MYO1A: variants seen among roughly 807,000 people sequenced by gnomAD.
The protein encoded by MYO1A is myosin IA, also known as unconventional myosin-Ia.
MYO1A carries 127 observed loss-of-function variants against 138.5 expected under a neutral mutation model. The ratio of observed to expected loss-of-function variants is 0.92; its 90% CI spans 0.79 to 1.06. The LOEUF (loss-of-function observed/expected upper bound fraction) is 1.06. Among genes scored for constraint, MYO1A ranks in the 50% least tolerant of loss-of-function variants. The pLI, the probability that MYO1A is intolerant of heterozygous loss-of-function variation, is 0.00. For missense variants in MYO1A, 1,211 were observed against 1,288.8 expected (o/e 0.94, Z 0.92); for synonymous variants, 477 against 497.5 (o/e 0.96, Z 0.55).
At chr12:57,046,465 A>T in intron 8 of MYO1A, 87 bp downstream of exon 8, 1 of 1,019,954 alleles carries the variant, frequency 9.8e-7, no homozygotes, top group Non-Finnish European at 1.6e-6. Context: ...AGGGGCCCAG[A>T]GGGAACAGGG....
Position 57,046,920 on chromosome 12 carries a change from A to AT in MYO1A, c.483dup (p.Tyr162IlefsTer5). On this transcript the variant is annotated frameshift_variant, in exon 7 of 28. Transcript: ENST00000300119. LOFTEE classifies it high-confidence loss of function. Reference sequence around the variant, plus strand: ...TTGAAGTCAAATTCAATATCCATGTATTTTCCCTTCAGAGAGAGACCAGAG... The same window carrying AT: ...TTGAAGTCAAATTCAATATCCATGTATTTTTCCCTTCAGAGAGAGACCAGAG... The AT allele has an allele frequency of 3.1e-6, 5 of 1,614,002 alleles. No individual in the cohort carries two copies. The highest frequency in any genetic ancestry group is 4.2e-6 in the Non-Finnish European group (5 of 1,179,968).
chr12:57,047,796 G>A (rs747992505), intron 3 of MYO1A, 75 bp from the exon 4 acceptor site: 170 of 1,589,128 alleles, frequency 1.1e-4, no homozygotes, highest in Non-Finnish European at 1.4e-4. Flanking sequence ...TCTCCAGCAC[G>A]CAGGTTCATC....
intron 21 of MYO1A, 44 bp downstream of exon 21, chr12:57,036,728 C>T: frequency 6.2e-7 from 1 of 1,607,580 alleles, no homozygotes; most frequent in South Asian, 1.1e-5. Context: ...TGACACAATC[C>T]AGGAGAAACA....
chr12:57,036,835 C>A lies in MYO1A; in HGVS notation c.2211G>T (p.Lys737Asn), dbSNP rs773613552. Residue 737 changes from lysine (K) to asparagine (N), a missense_variant, in exon 21 of 28, where the codon AAG becomes AAT. Coordinates refer to ENST00000300119, the MANE Select transcript of MYO1A (RefSeq NM_005379.4). ...ISSWFRGNMQ[K>N]KCYGKIKASV... ...ATGCCTTTATCTTCCCATAGCATTT[C>A]TTTTGCTGTAGAAAACATAGGAGTT... The A allele has an allele frequency of 1.2e-6, 2 of 1,614,232 alleles. No homozygotes were observed. The highest frequency in any genetic ancestry group is 1.3e-5 in the African/African-American group (1 of 75,066).
At position 57,047,383 on chromosome 12, in the gene MYO1A, T is replaced by A; in HGVS notation, c.350A>T (p.Tyr117Phe). The change falls in exon 5 of 28, where the codon TAT becomes TTT. Residue 117 changes from tyrosine (Y) to phenylalanine (F), a missense_variant. Physicochemically the swap from Tyr to Phe is conservative, Grantham distance 22 (BLOSUM62 3). Coordinates refer to ENST00000300119, the MANE Select transcript of MYO1A (RefSeq NM_005379.4). The part of the protein sequence containing the change: ...KTEASKLVMS[Y>F]VAAVCGKGEQ... ...TCCTTTCCCACAGACGGCAGCCACA[T>A]AAGACATCACCAGCTTGCTGGCCTC... 1.2e-6 allele frequency: 2 copies of A among 1,614,090 alleles called. No homozygotes were observed. The highest frequency in any genetic ancestry group is 2.2e-5 in the South Asian group (2 of 91,066).
upstream of MYO1A, among the ~76,000 whole-genome samples, chr12:57,050,289 A>G (rs2031292914): frequency 6.6e-6 from 1 of 152,214 alleles, no homozygotes; most frequent in Admixed American, 6.5e-5. Context: ...TAACTAAAGG[A>G]GGGTTCTTGC....
Position 57,029,535 on chromosome 12 carries a change from G to A in MYO1A, c.2777C>T (p.Thr926Ile). 1 of 1,614,190 alleles carries A rather than the reference G, an allele frequency of 6.2e-7. No homozygotes were observed. Among genetic ancestry groups the A allele is most frequent in the Non-Finnish European group, 8.5e-7 (1 of 1,180,018 alleles). ...LTKGHVILTD[T>I]KKSQAKIVIG... is the part of the protein sequence containing the mutation. Reference sequence around the variant, plus strand: ...GACAATTTTGGCCTGGGACTTCTTGGTGTCTGTGAGAATCACATGGCCCTT... The same window carrying A: ...GACAATTTTGGCCTGGGACTTCTTGATGTCTGTGAGAATCACATGGCCCTT... Residue 926 changes from threonine (T) to isoleucine (I), a missense_variant, in exon 26 of 28, where the codon ACC (threonine) becomes ATC (isoleucine). By Grantham distance (89) the Thr-to-Ile change is moderately conservative. Coordinates refer to ENST00000300119, the MANE Select transcript of MYO1A (RefSeq NM_005379.4).
chr12:57,040,820 G>A (rs994588368), intron 14 of MYO1A, among the ~76,000 whole-genome samples: 1 of 152,188 alleles, frequency 6.6e-6, no homozygotes, highest in Admixed American at 6.5e-5. Context: ...AGGGCCCGGG[G>A]GAGACCAAGG....
At chr12:57,046,478 T>A in intron 8 of MYO1A, 74 bp downstream of exon 8, 1 of 1,156,784 alleles carries the variant, frequency 8.6e-7, no homozygotes, top group African/African-American at 1.5e-5. Flanking sequence ...GAACAGGGGT[T>A]CTGGGACTGA....
intron 23 of MYO1A, 49 bp downstream of exon 23, chr12:57,030,991 A>C (rs753738647): frequency 3.1e-6 from 5 of 1,603,182 alleles, no homozygotes; most frequent in Non-Finnish European, 4.3e-6. Flanking sequence ...AATCAGGGGG[A>C]GGGAAAAAAA....
chr12:57,047,807 C>T, intron 3 of MYO1A, 86 bp from the exon 4 acceptor site: 1 of 1,579,898 alleles, frequency 6.3e-7, no homozygotes, highest in East Asian at 2.3e-5. Context: ...CAGGTTCATC[C>T]ACTCTCTCTA....
Position 57,048,264 on chromosome 12 carries a change from C to A in MYO1A, c.60G>T (p.Val20=). 6.2e-7 allele frequency: 1 copy of A among 1,614,210 alleles called. No homozygotes were observed. The highest frequency in any genetic ancestry group is 8.5e-7 in the Non-Finnish European group (1 of 1,180,038). ...VEDLVLLEPL[V]EESLLKNLQL... ...GAAGATTCTTGAGCAGTGACTCCTC[C>A]ACCAAGGGTTCCAGGAGGACAAGAT... The change falls in exon 2 of 28, where the codon GTG becomes GTT. Residue 20 remains valine (V), a synonymous_variant. Transcript: ENST00000300119.
chr12:57,042,501 C>A (rs2030901546), intron 12 of MYO1A, among the ~76,000 whole-genome samples: 2 of 152,146 alleles, frequency 1.3e-5, no homozygotes, highest in South Asian at 4.1e-4. Context: ...GGGTATATAC[C>A]TAGGAGTGGG....
chr12:57,028,628 G>A lies in MYO1A; in HGVS notation c.*127C>T. On this transcript the variant is annotated 3_prime_UTR_variant, in exon 28 of 28. Transcript: ENST00000300119. ...GTTTGGGACAAGGGTCCTCTTCAAG[G>A]GTAGTTTAATCCCCAAGCCATGCGC... 2 of 1,317,484 alleles carry A rather than the reference G, an allele frequency of 1.5e-6. No homozygotes were observed. Among genetic ancestry groups the A allele is most frequent in the South Asian group, 1.4e-5 (1 of 72,260 alleles). The allele number at this position is 1,317,484 out of a possible 1,614,324, so 81.6% of individuals were successfully genotyped here.
intron 10 of MYO1A, 129 bp from the exon 11 acceptor site, chr12:57,043,487 C>T (rs965315131): frequency 1.1e-6 from 1 of 877,752 alleles, no homozygotes; most frequent in African/African-American, 1.6e-5. Flanking sequence ...TCATTGCAGC[C>T]AACCCAGAAC....
chr12:57,046,883 A>G lies in MYO1A; in HGVS notation c.521T>C (p.Leu174Pro), dbSNP rs2031121451. 2 of 1,614,082 alleles carry G rather than the reference A, an allele frequency of 1.2e-6. No individual in the cohort carries two copies. The highest frequency in any genetic ancestry group is 2.7e-5 in the African/African-American group (2 of 74,994). ...CGTACAGTTTGTGATGACACCACCGAGGGGGGATCCCTTGAAGTCAAATTC... is the reference window on the plus strand; with the variant it reads ...CGTACAGTTTGTGATGACACCACCGGGGGGGGATCCCTTGAAGTCAAATTC... ...DIEFDFKGSP[L>P]GGVITNYLLE... The change falls in exon 7 of 28, where the codon CTC becomes CCC. Residue 174 changes from leucine to proline, a missense_variant. Transcript: ENST00000300119.
chr12:57,044,059 T>C (rs1011671484), intron 9 of MYO1A, 47 bp downstream of exon 9: 4 of 1,614,072 alleles, frequency 2.5e-6, no homozygotes, highest in Middle Eastern at 1.6e-4. Flanking sequence ...CCAATGCGAA[T>C]AGAGGATGAC....
At position 57,048,317 on chromosome 12, in the gene MYO1A, G is replaced by C; in HGVS notation, c.7C>G (p.Leu3Val). 4 of 1,613,416 alleles carry C rather than the reference G, an allele frequency of 2.5e-6. No individual in the cohort carries two copies. The South Asian group carries it at 4.4e-5, about 18-fold the overall frequency. Reference sequence around the variant, plus strand: ...TCCACCCCCACAGAACCTTCCAGGAGAGGCATGTCCAGAGGGGCCACTGAT... The same window carrying C: ...TCCACCCCCACAGAACCTTCCAGGACAGGCATGTCCAGAGGGGCCACTGAT... MP[L>V]LEGSVGVEDL... The change falls in exon 2 of 28, where the codon CTC becomes GTC. Residue 3 changes from leucine to valine, a missense_variant. Coordinates refer to ENST00000300119, the MANE Select transcript of MYO1A (RefSeq NM_005379.4).
intron 14 of MYO1A, among the ~76,000 whole-genome samples, chr12:57,040,013 G>A (rs1296134865): frequency 6.6e-6 from 1 of 152,204 alleles, no homozygotes; most frequent in African/African-American, 2.4e-5. Flanking sequence ...GGACTTGCTG[G>A]GCATCAGGCC....
Sources: gnomAD v4.1 joint callset for allele counts (sites outside exome capture counted in the v4.1 genomes callset) on GRCh38, gnomAD v4.1.1 for gene constraint, MANE v1.5 for transcripts, NCBI Gene and HGNC (gene_info 2026-07-23, HGNC 2026-07-21) for gene names.